USP4: variants seen among roughly 807,000 people sequenced by gnomAD.
USP4 encodes the protein ubiquitin carboxyl-terminal hydrolase 4.
In USP4, 72 loss-of-function variants were observed where a neutral mutation model predicts 118.2. That is an observed-to-expected ratio of 0.61 (90% CI 0.50 to 0.74). The LOEUF (loss-of-function observed/expected upper bound fraction) is 0.74. Ranked by LOEUF, USP4 falls within the 30% of genes least tolerant of loss-of-function variation. USP4 has a pLI of 0.00. For synonymous variants in USP4, 415 were observed against 440.4 expected, an observed-to-expected ratio of 0.94 and a Z score of 0.72; for missense variants, 1,037 against 1,185.7, an observed-to-expected ratio of 0.87 and a Z score of 1.84.
At chr3:49,331,550 A>G (rs2047617641) in intron 2 of USP4, among the ~76,000 whole-genome samples, 1 of 151,726 alleles carries the variant, frequency 6.6e-6, no homozygotes, top group Non-Finnish European at 1.5e-5. Flanking sequence ...GAACCCGGGA[A>G]GCAGAGGTTG....
chr3:49,282,486 T>C (rs1469472190), intron 19 of USP4, among the ~76,000 whole-genome samples: 10 of 151,878 alleles, frequency 6.6e-5, no homozygotes, highest in East Asian at 1.9e-4. Flanking sequence ...ACCATGTTGG[T>C]CAGGCTGGTC....
At chr3:49,298,354 GAT>G (rs916018767) in intron 12 of USP4, among the ~76,000 whole-genome samples, 196 bp downstream of exon 12, 1 of 151,882 alleles carries the variant, frequency 6.6e-6, no homozygotes, top group African/African-American at 2.4e-5. Flanking sequence ...ATGAAGGAAA[GAT>G]AGTGTTTCCT....
At chr3:49,290,471 A>C (rs1440049076) in intron 15 of USP4, among the ~76,000 whole-genome samples, 3 of 152,170 alleles carry the variant, frequency 2.0e-5, no homozygotes. Context: ...GTCTTGGAGG[A>C]ATCTGGACAT....
chr3:49,314,878 A>T (rs566814147), intron 6 of USP4, among the ~76,000 whole-genome samples: 6 of 152,124 alleles, frequency 3.9e-5, no homozygotes, highest in South Asian at 2.1e-4. Context: ...ATTTATTTTT[A>T]AAAAGGGCAA....
Position 49,325,878 on chromosome 3 carries a change from G to A in USP4, c.361-33C>T, listed in dbSNP as rs375302726. 19 of 1,608,758 alleles carry A rather than the reference G, an allele frequency of 1.2e-5. No homozygotes were observed. In the Admixed American group the frequency reaches 1.5e-4, roughly 13 times the overall value. The stretch of plus-strand genomic sequence containing the variant: ...CAAGAGGCAGGGGTGAGGGCATAGC[G>A]GTTTTGCAGCTGGGCAGTCTTGGAT... On this transcript the variant is annotated intron_variant, in intron 3 of 21. Coordinates refer to ENST00000265560, the MANE Select transcript of USP4 (RefSeq NM_003363.4).
At position 49,310,747 on chromosome 3, in the gene USP4, A is replaced by G; in HGVS notation, c.837-10T>C. ...AGAAAAGCCAGATCCACTGGAAAAC[A>G]CAACACACATCAGCAATAAAAGCAA... On this transcript the variant is annotated splice_polypyrimidine_tract_variant and intron_variant, in intron 7 of 21. Transcript: ENST00000265560. The G allele has an allele frequency of 1.2e-6, 2 of 1,603,146 alleles. No individual in the cohort carries two copies. The highest frequency in any genetic ancestry group is 1.7e-6 in the Non-Finnish European group (2 of 1,170,024).
chr3:49,278,687 A>T, intron 21 of USP4, 127 bp downstream of exon 21: 1 of 882,778 alleles, frequency 1.1e-6, no homozygotes, highest in African/African-American at 1.7e-5. Flanking sequence ...AATGCCAGCC[A>T]GCTCTGTCAC....
chr3:49,330,719 G>A (rs1463436552), intron 2 of USP4, among the ~76,000 whole-genome samples: 4 of 151,826 alleles, frequency 2.6e-5, no homozygotes, highest in Admixed American at 2.0e-4. Flanking sequence ...GCTGGAGGCT[G>A]GAGGCCGGAG....
At chr3:49,299,720 A>G (rs947821406) in intron 11 of USP4, among the ~76,000 whole-genome samples, 4 of 152,094 alleles carry the variant, frequency 2.6e-5, no homozygotes, top group African/African-American at 7.2e-5. Flanking sequence ...CAAAGAAACC[A>G]AAACCAGAAG....
chr3:49,281,489 T>TACACAC (rs1275522608), intron 19 of USP4, among the ~76,000 whole-genome samples: 287 of 109,084 alleles, frequency 2.6e-3, no homozygotes, highest in African/African-American at 6.1e-3. Flanking sequence ...TATATATATA[T>TACACAC]ATACACACAC....
chr3:49,292,288 GAA>G (rs146147164), intron 15 of USP4, among the ~76,000 whole-genome samples: 20 of 107,900 alleles, frequency 1.9e-4, no homozygotes, highest in South Asian at 3.0e-4. Flanking sequence ...CCCCTATCTG[GAA>G]AAAAAAAAAA....
chr3:49,322,580 G>A (rs1575618021), intron 6 of USP4, among the ~76,000 whole-genome samples: 1 of 151,928 alleles, frequency 6.6e-6, no homozygotes, highest in African/African-American at 2.4e-5. Flanking sequence ...CTAGATATAC[G>A]ACCAGCTGTG....
At chr3:49,307,779 C>CACAAAACAAA (rs201730475) in intron 8 of USP4, among the ~76,000 whole-genome samples, 13 of 151,724 alleles carry the variant, frequency 8.6e-5, no homozygotes, top group African/African-American at 3.1e-4. Context: ...ACCCCGTTTC[C>CACAAAACAAA]ACAAAACAAA....
chr3:49,280,677 C>G, intron 20 of USP4, 67 bp downstream of exon 20: 1 of 1,336,344 alleles, frequency 7.5e-7, no homozygotes, highest in South Asian at 1.2e-5. Flanking sequence ...AATGCCTGGT[C>G]CACTGGTGAG....
At chr3:49,335,388 C>T (rs1002492022) in intron 2 of USP4, 81 bp downstream of exon 2, 17 of 1,587,104 alleles carry the variant, frequency 1.1e-5, no homozygotes, top group Admixed American at 1.7e-5. Flanking sequence ...GGAAAGTTCA[C>T]AACGTCCATG....
intron 4 of USP4, 103 bp from the exon 5 acceptor site, chr3:49,325,142 G>A (rs1225887634): frequency 1.4e-6 from 2 of 1,454,526 alleles, no homozygotes; most frequent in East Asian, 2.3e-5. Context: ...GATGCTCACA[G>A]GTGCTCTGGA....
chr3:49,284,351 T>C, intron 18 of USP4, 115 bp downstream of exon 18: 1 of 1,045,184 alleles, frequency 9.6e-7, no homozygotes, highest in Non-Finnish European at 1.4e-6. Context: ...TAGGGTTAGC[T>C]ATATAAAGAA....
At position 49,297,869 on chromosome 3, in the gene USP4, C is replaced by G; in HGVS notation, c.1691+1G>C. 6.2e-7 allele frequency: 1 copy of G among 1,613,430 alleles called. No individual in the cohort carries two copies. The highest frequency in any genetic ancestry group is 8.5e-7 in the Non-Finnish European group (1 of 1,179,392). Reference sequence around the variant, plus strand: ...TGCAGCAGAAACTGCTGAGTACTCACACGAAAATGTCATCCCGAGGCATGA... The same window carrying G: ...TGCAGCAGAAACTGCTGAGTACTCAGACGAAAATGTCATCCCGAGGCATGA... On this transcript the variant is annotated splice_donor_variant, in intron 13 of 21. Transcript: ENST00000265560. LOFTEE classifies it high-confidence loss of function.
rs1366884502 is a variant in USP4, at chr3:49,325,026, T to C, written c.501A>G (p.Lys167=). The C allele has an allele frequency of 5.0e-6, 8 of 1,613,240 alleles. No homozygotes were observed. The highest frequency in any genetic ancestry group is 3.3e-4 in the Middle Eastern group (2 of 6,078). ...SKADTIATIE[K]EMRKLFNIPA... Reference sequence around the variant, plus strand: ...GGATGTTGAATAGCTTCCGCATCTCTTTCTCGATGGTTGCTAGGAACAGGC... The same window carrying C: ...GGATGTTGAATAGCTTCCGCATCTCCTTCTCGATGGTTGCTAGGAACAGGC... Residue 167 remains lysine (K), a synonymous_variant, in exon 5 of 22, where the codon AAA becomes AAG. Transcript: ENST00000265560.
Sources: gnomAD v4.1 joint callset for allele counts (sites outside exome capture counted in the v4.1 genomes callset) on GRCh38, gnomAD v4.1.1 for gene constraint, MANE v1.5 for transcripts, NCBI Gene and HGNC (gene_info 2026-07-23, HGNC 2026-07-21) for gene names.